The following GPR139 variants were observed in gnomAD, a reference collection of about 807,000 sequenced individuals.
GPR139 encodes probable G protein-coupled receptor 139.
In GPR139, 12 loss-of-function variants were observed where a neutral mutation model predicts 25.8. The observed-to-expected ratio is 0.47, with a 90% confidence interval of 0.30 to 0.75. The LOEUF is 0.75. Among genes scored for constraint, GPR139 ranks in the 30% least tolerant of loss-of-function variants. The pLI, the probability that GPR139 is intolerant of heterozygous loss-of-function variation, is 0.07. For synonymous variants in GPR139, 184 were observed against 179.9 expected (o/e 1.02, Z -0.18); for missense variants, 380 against 450.2 (o/e 0.84, Z 1.41).
intron 1 of GPR139, among the ~76,000 whole-genome samples, chr16:20,062,215 A>G (rs999457398): frequency 1.3e-5 from 2 of 152,176 alleles, no homozygotes; most frequent in Non-Finnish European, 2.9e-5. Context: ...TTGTATTTTG[A>G]AGTCCTAACC....
intron 1 of GPR139, among the ~76,000 whole-genome samples, chr16:20,039,476 A>G (rs898459515): frequency 1.3e-5 from 2 of 152,202 alleles, no homozygotes; most frequent in Admixed American, 1.3e-4. Flanking sequence ...CACTTGTCAA[A>G]AATTAAACAT....
intron 1 of GPR139, among the ~76,000 whole-genome samples, chr16:20,044,664 C>T (rs931540099): frequency 6.6e-6 from 1 of 152,158 alleles, no homozygotes; most frequent in African/African-American, 2.4e-5. Context: ...GAGCTCACAT[C>T]TTCATATACA....
chr16:20,041,159 AGGGGAGGGGAGGGGAGGG>A (rs2141204067), intron 1 of GPR139, among the ~76,000 whole-genome samples: 1 of 306 alleles, frequency 3.3e-3, no homozygotes, highest in East Asian at 0.038. Context: ...ACGAGAGGGG[AGGGGAGGGGAGGGGAGGG>A]GAGGGGAGGG....
At chr16:20,043,278 A>C (rs1596466125) in intron 1 of GPR139, among the ~76,000 whole-genome samples, 1 of 152,178 alleles carries the variant, frequency 6.6e-6, no homozygotes, top group Non-Finnish European at 1.5e-5. Flanking sequence ...GGGAACCATA[A>C]TAACTGCCAG....
intron 1 of GPR139, among the ~76,000 whole-genome samples, chr16:20,034,301 T>C (rs1036319607): frequency 6.6e-6 from 1 of 152,168 alleles, no homozygotes. Flanking sequence ...AAAATTCTTA[T>C]AATAAACACA....
chr16:20,058,215 C>T (rs915819395), intron 1 of GPR139, among the ~76,000 whole-genome samples: 4 of 151,668 alleles, frequency 2.6e-5, no homozygotes, highest in African/African-American at 9.7e-5. Flanking sequence ...CTATACCCAG[C>T]AAAAACTCCA....
intron 1 of GPR139, among the ~76,000 whole-genome samples, chr16:20,052,934 G>A (rs764181918): frequency 3.9e-5 from 6 of 152,066 alleles, no homozygotes; most frequent in Admixed American, 6.5e-5. Context: ...GGTGCGTCAC[G>A]GTGGTTTGCT....
rs539938953 is a variant in GPR139 at position 20,038,248 on chromosome 16, G to C, written c.128-5579C>G. Among the ~76,000 whole-genome samples, 4 of 151,584 alleles carry C rather than the reference G, an allele frequency of 2.6e-5. No homozygotes were observed. In the South Asian group the frequency reaches 8.4e-4, roughly 32 times the overall value. ...TCCCAAGGAGGCAGGATGTATAAAT[G>C]GTGGGATGTCCCCAGAAAAAGTGCT... On this transcript the variant is annotated intron_variant, in intron 1 of 1. Transcript: ENST00000570682.
At chr16:20,046,228 A>C (rs369994786) in intron 1 of GPR139, among the ~76,000 whole-genome samples, 5 of 152,248 alleles carry the variant, frequency 3.3e-5, no homozygotes, top group African/African-American at 1.2e-4. Context: ...AGGAAGAATT[A>C]AATAAGATGG....
intron 1 of GPR139, among the ~76,000 whole-genome samples, chr16:20,058,394 A>T (rs544313685): frequency 3.3e-5 from 5 of 152,172 alleles, no homozygotes; most frequent in African/African-American, 1.2e-4. Flanking sequence ...GGAAGGCGTG[A>T]ACATAGCAAA....
At position 20,030,589 on chromosome 16, in the gene GPR139, G is replaced by A. The variant is rs956072012; in HGVS notation, c.*1146C>T. Among the ~76,000 whole-genome samples, 1 of 5,982 alleles carries A rather than the reference G, an allele frequency of 1.7e-4. No individual in the cohort carries two copies. The highest frequency in any genetic ancestry group is 1.6e-3 in the East Asian group (1 of 636). 3.9% of individuals were successfully genotyped at this position (5,982 alleles called of 152,430 possible). A position where few individuals can be genotyped will look rare whatever the true frequency, so the allele number is the denominator to read the frequency against. Reference sequence around the variant, plus strand: ...GATCTGGGTTAAATAGCTTTACCAAGAACTGGCACCCCCTTTTGAGCCATG... The same window carrying A: ...GATCTGGGTTAAATAGCTTTACCAAAAACTGGCACCCCCTTTTGAGCCATG... On this transcript the variant is annotated 3_prime_UTR_variant, in exon 2 of 2. Coordinates refer to ENST00000570682, the MANE Select transcript of GPR139 (RefSeq NM_001002911.4).
In GPR139 at chr16:20,068,256, A is replaced by AG. The variant is rs965278604; in HGVS notation, c.127+5233_127+5234insC. ...TAATGCAAAAAAAAAAAAAAAAAAAAAAGAAAGGAGAAATAAAATAAAGCA... is the reference window on the plus strand; with the variant it reads ...TAATGCAAAAAAAAAAAAAAAAAAAAGAAGAAAGGAGAAATAAAATAAAGCA... On this transcript the variant is annotated intron_variant, in intron 1 of 1. Coordinates refer to ENST00000570682, the MANE Select transcript of GPR139 (RefSeq NM_001002911.4). 6.3e-3 allele frequency among the ~76,000 whole-genome samples: 863 copies of AG among 137,722 alleles called. 7 individuals are homozygous for AG. The highest frequency in any genetic ancestry group is 0.021 in the African/African-American group (756 of 36,280). The allele number at this position is 137,722 out of a possible 152,430, so 90.4% of individuals were successfully genotyped here. A position where few individuals can be genotyped will look rare whatever the true frequency, so the allele number is the denominator to read the frequency against.
rs2057284751 is a variant in GPR139 at position 20,030,684 on chromosome 16, G to A, written c.*1051C>T. On this transcript the variant is annotated 3_prime_UTR_variant, in exon 2 of 2. Coordinates refer to ENST00000570682, the MANE Select transcript of GPR139 (RefSeq NM_001002911.4). ...TCTGCGTTTGTGGCGAAATGGCAGC[G>A]CCAGCTGGGCTGTGAGACAGAGCTG... Among the ~76,000 whole-genome samples, 1 of 152,232 alleles carries A rather than the reference G, an allele frequency of 6.6e-6. No homozygotes were observed. Among genetic ancestry groups the A allele is most frequent in the Non-Finnish European group, 1.5e-5 (1 of 68,048 alleles).
At position 20,041,249 on chromosome 16, in the gene GPR139, A is replaced by AG. The variant is rs1211848842; in HGVS notation, c.128-8581dup. Among the ~76,000 whole-genome samples the AG allele has an allele frequency of 1.4e-3, 8 of 5,874 alleles. 2 individuals carry two copies. The highest frequency in any genetic ancestry group is 2.5e-3 in the East Asian group (1 of 400). 3.9% of individuals were successfully genotyped at this position (5,874 alleles called of 152,430 possible). A position where few individuals can be genotyped will look rare whatever the true frequency, so the allele number is the denominator to read the frequency against. ...AGGAGAGGAGAGGAGAGGAGAGGAGAGGGAAGGAGAAAAGAAAAGCATCTC... is the reference window on the plus strand; with the variant it reads ...AGGAGAGGAGAGGAGAGGAGAGGAGAGGGGAAGGAGAAAAGAAAAGCATCTC... On this transcript the variant is annotated intron_variant, in intron 1 of 1. Transcript: ENST00000570682.
intron 1 of GPR139, among the ~76,000 whole-genome samples, chr16:20,064,840 CA>C (rs2057425788): frequency 6.6e-6 from 1 of 152,208 alleles, no homozygotes; most frequent in Admixed American, 6.5e-5. Flanking sequence ...ACCATGCTGG[CA>C]GGTTCTAAGG....
At chr16:20,039,221 G>A (rs1232027901) in intron 1 of GPR139, among the ~76,000 whole-genome samples, 1 of 152,174 alleles carries the variant, frequency 6.6e-6, no homozygotes, top group East Asian at 1.9e-4. Context: ...AGGATTTTGG[G>A]AAGTGGCTGA....
intron 1 of GPR139, among the ~76,000 whole-genome samples, chr16:20,045,620 G>A (rs1173853547): frequency 1.3e-5 from 2 of 152,194 alleles, no homozygotes; most frequent in Non-Finnish European, 1.5e-5. Flanking sequence ...CATGAGGGAA[G>A]TTGAGAGAAG....
At chr16:20,050,991 AGGTCAAGGCTGCAGTGAGT>A (rs1767835364) in intron 1 of GPR139, among the ~76,000 whole-genome samples, 1 of 149,006 alleles carries the variant, frequency 6.7e-6, no homozygotes, top group African/African-American at 2.5e-5. Flanking sequence ...TGAGCCCAAG[AGGTCAAGGCTGCAGTGAGT>A]GGAGATCGTG....
intron 1 of GPR139, among the ~76,000 whole-genome samples, chr16:20,071,598 G>A (rs965615592): frequency 6.6e-6 from 1 of 152,182 alleles, no homozygotes; most frequent in Admixed American, 6.5e-5. Context: ...ATCCTTTTAA[G>A]TTCCCAAACT....
Sources: gnomAD v4.1 joint callset for allele counts (sites outside exome capture counted in the v4.1 genomes callset) on GRCh38, gnomAD v4.1.1 for gene constraint, MANE v1.5 for transcripts, NCBI Gene and HGNC (gene_info 2026-07-23, HGNC 2026-07-21) for gene names.